The following CCDC30 variants were observed in gnomAD, a reference collection of about 807,000 sequenced individuals.
The protein encoded by CCDC30 is coiled-coil domain-containing protein 30.
CCDC30 carries 70 observed loss-of-function variants against 100.2 expected under a neutral mutation model. The ratio of observed to expected loss-of-function variants is 0.70; its 90% CI spans 0.58 to 0.85. CCDC30 has a LOEUF of 0.85. CCDC30 is among the 40% of genes least tolerant of loss of function. The pLI is 0.00. For synonymous variants in CCDC30, 233 were observed against 269.5 expected, an observed-to-expected ratio of 0.86 and a Z score of 1.33; for missense variants, 652 against 771.2, an observed-to-expected ratio of 0.85 and a Z score of 1.83.
intron 11 of CCDC30, among the ~76,000 whole-genome samples, chr1:42,636,198 T>C (rs988966209): frequency 6.6e-6 from 1 of 152,006 alleles, no homozygotes; most frequent in South Asian, 2.1e-4. Context: ...GGCAGGAGGA[T>C]AGTTTGAGGC....
At chr1:42,527,308 G>T (rs1644737153) in intron 6 of CCDC30, among the ~76,000 whole-genome samples, 1 of 152,192 alleles carries the variant, frequency 6.6e-6, no homozygotes. Context: ...AACACAGAAA[G>T]ATGTGATCAA....
intron 1 of CCDC30, chr1:42,473,386 T>C: frequency 1.3e-6 from 1 of 787,704 alleles, no homozygotes; most frequent in East Asian, 3.4e-5. Flanking sequence ...TAAAAACTAA[T>C]GTTTGGCTAT....
At chr1:42,565,201 T>C (rs1645580224) in intron 6 of CCDC30, among the ~76,000 whole-genome samples, 1 of 152,066 alleles carries the variant, frequency 6.6e-6, no homozygotes, top group South Asian at 2.1e-4. Flanking sequence ...TTGCGTCAAG[T>C]TAAAAAGCTT....
At chr1:42,624,347 AT>A (rs1646894122) in intron 11 of CCDC30, among the ~76,000 whole-genome samples, 1 of 152,264 alleles carries the variant, frequency 6.6e-6, no homozygotes, top group Non-Finnish European at 1.5e-5. Context: ...GTATCACATC[AT>A]TTGTCATTCT....
intron 13 of CCDC30, among the ~76,000 whole-genome samples, chr1:42,644,287 C>G (rs1853632): frequency 0.016 from 2,404 of 152,244 alleles, 69 homozygotes; most frequent in African/African-American, 0.054. Flanking sequence ...GGGCAGGAAG[C>G]ATCCAGCATG....
chr1:42,456,736 G>A, the CCDC30 span: 2 of 1,610,796 alleles, frequency 1.2e-6, no homozygotes, highest in African/African-American at 1.3e-5. Context: ...TGCGCTTCCT[G>A]GACAACTTCA....
rs201386763 is a variant in CCDC30, at chr1:42,566,281, A to C, written c.457-15A>C. The C allele has an allele frequency of 1.5e-5, 24 of 1,600,492 alleles. No individual in the cohort carries two copies. The highest frequency in any genetic ancestry group is 2.0e-5 in the Non-Finnish European group (23 of 1,170,512). On this transcript the variant is annotated splice_polypyrimidine_tract_variant and intron_variant, in intron 6 of 16. Coordinates refer to ENST00000668663, the Ensembl canonical transcript of CCDC30. The stretch of plus-strand genomic sequence containing the variant: ...TCCAATTGTCTGTGTTTCTCTTTTA[A>C]AATGTTTGCTTTAGCATCCATCATC...
chr1:42,553,464 C>T (rs12035932), intron 6 of CCDC30, among the ~76,000 whole-genome samples: 36,982 of 151,008 alleles, frequency 0.24, 4,954 homozygotes, highest in South Asian at 0.43. Flanking sequence ...CCATCTTCTT[C>T]GAAGAAAAAG....
intron 1 of CCDC30, among the ~76,000 whole-genome samples, chr1:42,470,277 C>T (rs954474557): frequency 8.3e-6 from 1 of 119,856 alleles, no homozygotes; most frequent in African/African-American, 3.2e-5. Context: ...CTGCTTCACA[C>T]CCATTAGGAT....
Position 42,598,590 on chromosome 1 carries a change from G to A in CCDC30, c.1164+9107G>A, listed in dbSNP as rs567464531. The stretch of plus-strand genomic sequence containing the variant: ...CATGGAAGACAAAAGTAGCAACAAA[G>A]AACAAGAACAACTAATAGAAAACCA... On this transcript the variant is annotated intron_variant, in intron 10 of 16. Transcript: ENST00000668663. 2.6e-5 allele frequency among the ~76,000 whole-genome samples: 4 copies of A among 152,042 alleles called. No homozygotes were observed. In the South Asian group the frequency reaches 8.3e-4, roughly 32 times the overall value.
chr1:42,540,522 T>C (rs1469388844), intron 6 of CCDC30, among the ~76,000 whole-genome samples: 5 of 152,166 alleles, frequency 3.3e-5, no homozygotes, highest in African/African-American at 1.2e-4. Flanking sequence ...TTTCTTAAAC[T>C]TTTTATGTTG....
intron 11 of CCDC30, among the ~76,000 whole-genome samples, chr1:42,634,193 T>A (rs1224670709): frequency 7.0e-6 from 1 of 141,976 alleles, no homozygotes; most frequent in Non-Finnish European, 1.5e-5. Flanking sequence ...CTCAGGAGGC[T>A]GAGGTGGGAG....
chr1:42,474,021 A>G (rs1454095355), intron 1 of CCDC30, among the ~76,000 whole-genome samples: 1 of 152,134 alleles, frequency 6.6e-6, no homozygotes, highest in Non-Finnish European at 1.5e-5. Context: ...ATACTCATCA[A>G]CATACTTTCT....
At chr1:42,608,561 G>A (rs1646551984) in intron 10 of CCDC30, among the ~76,000 whole-genome samples, 2 of 151,692 alleles carry the variant, frequency 1.3e-5, no homozygotes, top group South Asian at 2.1e-4. Context: ...AAATTAGCCG[G>A]ACGTGGCGGT....
chr1:42,644,832 C>A (rs1301058718), intron 14 of CCDC30, 25 bp downstream of exon 18: 1 of 1,450,688 alleles, frequency 6.9e-7, no homozygotes, highest in Non-Finnish European at 9.7e-7. Flanking sequence ...TCCTATTGGG[C>A]CTGCCTTTAA....
chr1:42,565,180 G>A (rs1408624203), intron 6 of CCDC30, among the ~76,000 whole-genome samples: 8 of 152,074 alleles, frequency 5.3e-5, no homozygotes. Context: ...AGCAAAAATA[G>A]ACAAATGGGG....
rs76078819 is a variant in CCDC30 at position 42,508,017 on chromosome 1, A to G, written c.456+9101A>G. Among the ~76,000 whole-genome samples the G allele has an allele frequency of 1.1e-3, 169 of 152,346 alleles. 2 individuals carry two copies. The highest frequency in any genetic ancestry group is 3.8e-3 in the African/African-American group (157 of 41,586). Reference sequence around the variant, plus strand: ...AAGACAATTAATTAGAGCTCTTTTTATAGATATTACACACAACACATATAT... The same window carrying G: ...AAGACAATTAATTAGAGCTCTTTTTGTAGATATTACACACAACACATATAT... On this transcript the variant is annotated intron_variant, in intron 6 of 16. Coordinates refer to ENST00000668663, the Ensembl canonical transcript of CCDC30.
chr1:42,534,270 T>C (rs1460203954), intron 6 of CCDC30, among the ~76,000 whole-genome samples: 1 of 152,074 alleles, frequency 6.6e-6, no homozygotes, highest in Non-Finnish European at 1.5e-5. Context: ...TACTTTGTAC[T>C]GAAGCATCTC....
chr1:42,615,537 G>A (rs1404773893), intron 11 of CCDC30, among the ~76,000 whole-genome samples: 5 of 151,964 alleles, frequency 3.3e-5, no homozygotes, highest in Non-Finnish European at 7.4e-5. Flanking sequence ...GACCTCAAAT[G>A]ATCCACCCGC....
Sources: allele counts gnomAD v4.1 joint callset (sites outside exome capture counted in the v4.1 genomes callset), GRCh38; gene constraint gnomAD v4.1.1; transcripts MANE v1.5; gene names NCBI Gene and HGNC (gene_info 2026-07-23, HGNC 2026-07-21).